The following KLHL1 variants were observed in gnomAD, a reference collection of about 807,000 sequenced individuals.
The protein encoded by KLHL1 is kelch-like protein 1.
A neutral mutation model predicts 77.7 loss-of-function variants in KLHL1; 47 were observed. The ratio of observed to expected loss-of-function variants is 0.60; its 90% CI spans 0.48 to 0.77. The LOEUF (loss-of-function observed/expected upper bound fraction) is 0.77. KLHL1 is among the 30% of genes least tolerant of loss of function. The pLI, the probability that KLHL1 is intolerant of heterozygous loss-of-function variation, is 0.00. For missense variants in KLHL1, 925 were observed against 910.8 expected, an observed-to-expected ratio of 1.02 and a Z score of -0.20; for synonymous variants, 360 against 325.2, an observed-to-expected ratio of 1.11 and a Z score of -1.15.
intron 7 of KLHL1, among the ~76,000 whole-genome samples, chr13:69,769,361 A>T (rs1305644418): frequency 6.6e-6 from 1 of 152,110 alleles, no homozygotes. Context: ...AGTATAGGGG[A>T]GTGGCAGAGT....
At chr13:70,104,464 C>T (rs1887998914) in intron 1 of KLHL1, among the ~76,000 whole-genome samples, 1 of 152,138 alleles carries the variant, frequency 6.6e-6, no homozygotes, top group Admixed American at 6.5e-5. Context: ...TGTCCTCCAT[C>T]TGCTGTTCTA....
chr13:69,975,093 G>C (rs1243190965), intron 2 of KLHL1, among the ~76,000 whole-genome samples: 1 of 151,916 alleles, frequency 6.6e-6, no homozygotes, highest in Non-Finnish European at 1.5e-5. Flanking sequence ...AAAACTATTA[G>C]CTTTCAAATG....
At chr13:70,000,464 T>A (rs1021273743) in intron 1 of KLHL1, among the ~76,000 whole-genome samples, 1 of 152,028 alleles carries the variant, frequency 6.6e-6, no homozygotes, top group African/African-American at 2.4e-5. Flanking sequence ...AGTTATATAA[T>A]ACCGTTAGTA....
chr13:69,965,409 A>G (rs901871469), intron 2 of KLHL1, among the ~76,000 whole-genome samples: 4 of 152,150 alleles, frequency 2.6e-5, no homozygotes, highest in Non-Finnish European at 5.9e-5. Context: ...AACTATACCT[A>G]TATCAGACAA....
chr13:69,983,757 G>T (rs993009828), intron 1 of KLHL1, among the ~76,000 whole-genome samples: 4 of 151,768 alleles, frequency 2.6e-5, no homozygotes, highest in Non-Finnish European at 5.9e-5. Context: ...GACACAGCAA[G>T]CCCCTATTTC....
At chr13:70,102,008 T>C (rs938192754) in intron 1 of KLHL1, among the ~76,000 whole-genome samples, 3 of 151,872 alleles carry the variant, frequency 2.0e-5, no homozygotes, top group East Asian at 3.9e-4. Flanking sequence ...TATTTTTTAC[T>C]CTAAAATTTG....
intron 7 of KLHL1, among the ~76,000 whole-genome samples, chr13:69,790,182 T>C (rs1463844679): frequency 6.6e-6 from 1 of 152,164 alleles, no homozygotes; most frequent in Non-Finnish European, 1.5e-5. Context: ...TATAGTGACA[T>C]TGTCAGGAAT....
At chr13:69,840,372 C>T (rs1879198182) in intron 5 of KLHL1, among the ~76,000 whole-genome samples, 1 of 151,790 alleles carries the variant, frequency 6.6e-6, no homozygotes. Flanking sequence ...TACAGATGTG[C>T]ACCACCATGC....
At chr13:69,938,153 G>A (rs1305795902) in intron 4 of KLHL1, among the ~76,000 whole-genome samples, 2 of 152,074 alleles carry the variant, frequency 1.3e-5, no homozygotes, top group African/African-American at 2.4e-5. Flanking sequence ...ATTATCAGAT[G>A]CAAAACACTC....
At chr13:69,774,365 TTAATA>T (rs1227146373) in intron 7 of KLHL1, among the ~76,000 whole-genome samples, 1 of 151,912 alleles carries the variant, frequency 6.6e-6, no homozygotes. Flanking sequence ...TTGTTAAACT[TTAATA>T]TATTATATTT....
chr13:69,913,136 G>C (rs768684941), intron 4 of KLHL1, among the ~76,000 whole-genome samples: 4 of 152,038 alleles, frequency 2.6e-5, no homozygotes, highest in African/African-American at 2.4e-5. Context: ...CTTTATCAGA[G>C]GTCTCATACA....
chr13:69,717,362 T>C (rs1354386829), intron 9 of KLHL1, among the ~76,000 whole-genome samples: 4 of 152,132 alleles, frequency 2.6e-5, no homozygotes, highest in Non-Finnish European at 5.9e-5. Flanking sequence ...ATCATCAATA[T>C]AGAAAATATG....
intron 6 of KLHL1, among the ~76,000 whole-genome samples, chr13:69,799,014 G>A (rs1303385274): frequency 6.6e-6 from 1 of 152,006 alleles, no homozygotes; most frequent in South Asian, 2.1e-4. Context: ...CCTTGAACGT[G>A]GGAGGCAGAG....
chr13:69,937,081 C>T (rs1430163360), intron 4 of KLHL1, among the ~76,000 whole-genome samples: 1 of 152,044 alleles, frequency 6.6e-6, no homozygotes, highest in Non-Finnish European at 1.5e-5. Context: ...AAATGTTCCA[C>T]GTGTGTCCCC....
At chr13:70,043,633 A>T (rs1445009114) in intron 1 of KLHL1, among the ~76,000 whole-genome samples, 3 of 152,206 alleles carry the variant, frequency 2.0e-5, no homozygotes, top group Non-Finnish European at 4.4e-5. Context: ...CTATGCTTAG[A>T]TACACAAATA....
chr13:70,088,140 C>T (rs951453036), intron 1 of KLHL1, among the ~76,000 whole-genome samples: 11 of 152,196 alleles, frequency 7.2e-5, no homozygotes, highest in African/African-American at 2.4e-4. Context: ...ATGAGCGCCA[C>T]GAACTTTCAG....
At chr13:70,008,598 T>C (rs1885459830) in intron 1 of KLHL1, among the ~76,000 whole-genome samples, 1 of 152,124 alleles carries the variant, frequency 6.6e-6, no homozygotes, top group Non-Finnish European at 1.5e-5. Context: ...ATATTTCCTA[T>C]AGTTTTCCCA....
At chr13:69,753,228 T>C (rs182768585) in intron 7 of KLHL1, among the ~76,000 whole-genome samples, 1 of 152,244 alleles carries the variant, frequency 6.6e-6, no homozygotes. Context: ...CAAACCTTCA[T>C]AGCTGTTAAA....
chr13:69,746,502 G>A (rs1420597689), intron 7 of KLHL1, among the ~76,000 whole-genome samples: 2 of 151,880 alleles, frequency 1.3e-5, no homozygotes, highest in African/African-American at 4.8e-5. Flanking sequence ...CGGTTACAAT[G>A]TGCTAATCTT....
Sources: allele counts gnomAD v4.1 joint callset (sites outside exome capture counted in the v4.1 genomes callset), GRCh38; gene constraint gnomAD v4.1.1; transcripts MANE v1.5; gene names NCBI Gene and HGNC (gene_info 2026-07-23, HGNC 2026-07-21).